AAMDC: variants seen among roughly 807,000 people sequenced by gnomAD.
AAMDC encodes the protein mth938 domain-containing protein.
A neutral mutation model predicts 15.5 loss-of-function variants in AAMDC; 16 were observed. The observed-to-expected ratio is 1.03, with a 90% CI of 0.70 to 1.57. AAMDC has a LOEUF of 1.57. AAMDC is among the 40% of genes most tolerant of loss of function. The pLI is 0.00. For missense variants in AAMDC, 141 were observed against 144.9 expected (o/e 0.97, Z 0.14); for synonymous variants, 51 against 51.6 (o/e 0.99, Z 0.05).
At chr11:77,859,548 G>A (rs1249410931) in intron 2 of AAMDC, among the ~76,000 whole-genome samples, 1 of 152,148 alleles carries the variant, frequency 6.6e-6, no homozygotes. Context: ...TAATTCTAGT[G>A]CCCGAGTGAG....
At chr11:77,827,668 T>C (rs1949240500) in intron 1 of AAMDC, among the ~76,000 whole-genome samples, 1 of 152,198 alleles carries the variant, frequency 6.6e-6, no homozygotes, top group Non-Finnish European at 1.5e-5. Context: ...GCCTAATATA[T>C]GGAATGCTGA....
At chr11:77,851,839 T>G (rs1233551045) in intron 2 of AAMDC, among the ~76,000 whole-genome samples, 1 of 152,212 alleles carries the variant, frequency 6.6e-6, no homozygotes, top group African/African-American at 2.4e-5. Context: ...CTCTTTTGTT[T>G]ATAAATTACC....
intron 5 of AAMDC, among the ~76,000 whole-genome samples, chr11:77,882,133 C>T (rs1429499531): frequency 6.6e-6 from 1 of 152,190 alleles, no homozygotes; most frequent in East Asian, 1.9e-4. Flanking sequence ...CCATGCTGGT[C>T]TCAGACTCTT....
downstream of AAMDC, among the ~76,000 whole-genome samples, chr11:77,873,964 G>GTAGT (rs933948235): frequency 2.0e-5 from 3 of 152,200 alleles, no homozygotes; most frequent in Admixed American, 6.5e-5. Flanking sequence ...ACCTGACTAC[G>GTAGT]TAGTTAGTTA....
chr11:77,846,552 C>T (rs547955992), intron 2 of AAMDC, among the ~76,000 whole-genome samples: 1 of 152,228 alleles, frequency 6.6e-6, no homozygotes, highest in East Asian at 1.9e-4. Context: ...ACTAACAATA[C>T]AAAATTAGCC....
chr11:77,876,993 T>C, downstream of AAMDC: 1 of 703,308 alleles, frequency 1.4e-6, no homozygotes. Flanking sequence ...GTCAGGGCTG[T>C]GGTACAATTC....
At chr11:77,894,155 G>C (rs188639610) in intron 5 of AAMDC, 1 of 526,484 alleles carries the variant, frequency 1.9e-6, no homozygotes, top group South Asian at 2.7e-5. Context: ...TAAGGTTAAC[G>C]ACATGGCCAC....
intron 2 of AAMDC, among the ~76,000 whole-genome samples, chr11:77,865,837 A>G (rs1170525599): frequency 2.0e-5 from 3 of 152,192 alleles, no homozygotes; most frequent in African/African-American, 7.2e-5. Context: ...TCTTTTGTGT[A>G]TTCTAAAACA....
intron 5 of AAMDC, among the ~76,000 whole-genome samples, chr11:77,882,073 A>T (rs1951815198): frequency 6.6e-6 from 1 of 151,938 alleles, no homozygotes; most frequent in Admixed American, 6.6e-5. Flanking sequence ...CACCATGCCC[A>T]GTTAACTTTT....
At chr11:77,859,705 A>G (rs989956835) in intron 2 of AAMDC, among the ~76,000 whole-genome samples, 1 of 152,240 alleles carries the variant, frequency 6.6e-6, no homozygotes, top group East Asian at 1.9e-4. Context: ...GGTTGGGATC[A>G]GTCAAGGGAA....
At chr11:77,831,275 A>G (rs377476815) in intron 1 of AAMDC, among the ~76,000 whole-genome samples, 16 of 152,216 alleles carry the variant, frequency 1.1e-4, no homozygotes, top group Non-Finnish European at 1.9e-4. Flanking sequence ...TGGATCTGCT[A>G]TGTAACAGTC....
At position 77,832,434 on chromosome 11, in the gene AAMDC, C is replaced by T. The variant is rs189792201; in HGVS notation, c.-18-10045C>T. Among the ~76,000 whole-genome samples the T allele has an allele frequency of 2.2e-3, 331 of 151,656 alleles. 1 individual carries two copies. The highest frequency in any genetic ancestry group is 7.2e-3 in the African/African-American group (299 of 41,316). On this transcript the variant is annotated intron_variant, in intron 1 of 3. Transcript: ENST00000393427. ...CTCCGCCTCCCGGGTTCAAGCGATT[C>T]TTCTGCCTCAGCCTCCCCAGTAGCT...
intron 2 of AAMDC, among the ~76,000 whole-genome samples, chr11:77,867,225 G>C (rs918069029): frequency 3.3e-5 from 5 of 151,874 alleles, no homozygotes; most frequent in African/African-American, 1.2e-4. Context: ...TCTTTCTCTC[G>C]CCCATTTGTT....
intron 2 of AAMDC, among the ~76,000 whole-genome samples, chr11:77,861,620 T>A (rs1166218229): frequency 1.3e-5 from 2 of 152,208 alleles, no homozygotes; most frequent in Non-Finnish European, 2.9e-5. Context: ...TCCCTTGACA[T>A]AACGGGCATG....
At chr11:77,834,248 T>A (rs117183531) in intron 1 of AAMDC, among the ~76,000 whole-genome samples, 2,592 of 152,232 alleles carry the variant, frequency 0.017, 45 homozygotes, top group Non-Finnish European at 0.029. Context: ...AGGGAAGCAA[T>A]GGTTGCATTC....
At chr11:77,829,915 T>C (rs1171588209) in intron 1 of AAMDC, 1 of 152,312 alleles carries the variant, frequency 6.6e-6, no homozygotes, top group Non-Finnish European at 1.5e-5. Flanking sequence ...GAGGATCACT[T>C]GAGGCCAGGA....
chr11:77,841,677 T>G (rs1949938694), intron 1 of AAMDC, among the ~76,000 whole-genome samples: 1 of 152,178 alleles, frequency 6.6e-6, no homozygotes, highest in Admixed American at 6.5e-5. Context: ...TCCAAATCTT[T>G]GATGCATATC....
chr11:77,842,171 G>C (rs573013504), intron 1 of AAMDC, among the ~76,000 whole-genome samples: 1 of 152,256 alleles, frequency 6.6e-6, no homozygotes, highest in East Asian at 1.9e-4. Flanking sequence ...TTCTTGGGGA[G>C]AGAATATGTC....
intron 2 of AAMDC, among the ~76,000 whole-genome samples, chr11:77,846,819 G>A (rs1295583154): frequency 6.6e-6 from 1 of 152,094 alleles, no homozygotes; most frequent in Admixed American, 6.5e-5. Context: ...AATTTGTCTT[G>A]TATTCTAAGT....
Sources: gnomAD v4.1 joint callset for allele counts (sites outside exome capture counted in the v4.1 genomes callset) on GRCh38, gnomAD v4.1.1 for gene constraint, MANE v1.5 for transcripts, NCBI Gene and HGNC (gene_info 2026-07-23, HGNC 2026-07-21) for gene names.